The following NLRP2 variants were observed in gnomAD, a reference collection of about 807,000 sequenced individuals.
The protein encoded by NLRP2 is NLR family pyrin domain containing 2, also known as NACHT, LRR and PYD domains-containing protein 2.
Under a neutral mutation model 97.2 loss-of-function variants are expected in NLRP2, and 107 were observed. The ratio of observed to expected loss-of-function variants is 1.10; its 90% confidence interval spans 0.94 to 1.29. The LOEUF is 1.29. Ranked by LOEUF, NLRP2 falls within the 50% of genes most tolerant of loss-of-function variation. The probability of loss-of-function intolerance (pLI) is 0.00; values close to 1 mark genes in which losing one functional copy is unlikely to be tolerated. For synonymous variants in NLRP2, 663 were observed against 551.5 expected, an observed-to-expected ratio of 1.20 and a Z score of -2.83; for missense variants, 1,495 against 1,330.3, an observed-to-expected ratio of 1.12 and a Z score of -1.93.
chr19:54,985,738 G>A (rs1393953116), intron 7 of NLRP2, among the ~76,000 whole-genome samples: 2 of 151,046 alleles, frequency 1.3e-5, no homozygotes, highest in Non-Finnish European at 2.9e-5. Context: ...GCTCACGCCT[G>A]TAGTCCCAGC....
In NLRP2 at chr19:54,982,262, A is replaced by T; in HGVS notation, c.564A>T (p.Arg188Ser). 6.2e-7 allele frequency: 1 copy of T among 1,614,024 alleles called. No homozygotes were observed. The highest frequency in any genetic ancestry group is 8.5e-7 in the Non-Finnish European group (1 of 1,179,994). ...DSKEVQVMAE[R>S]YKMLIPFSNP... ...AAGAGGTCCAGGTTATGGCTGAGAG[A>T]TACAAGATGCTGATCCCATTCAGCA... Residue 188 changes from arginine (R) to serine (S), a missense_variant, in exon 6 of 13, where the codon AGA (arginine) becomes AGT (serine). By Grantham distance (110) the Arg-to-Ser change is moderately radical. Coordinates refer to ENST00000448584, the MANE Select transcript of NLRP2 (RefSeq NM_017852.5).
At chr19:54,994,155 C>T (rs2072662909) in intron 10 of NLRP2, 114 bp from the exon 11 acceptor site, 2 of 1,125,072 alleles carry the variant, frequency 1.8e-6, no homozygotes, top group Non-Finnish European at 2.7e-6. Context: ...ATTCCATTTC[C>T]ATGTCACCAC....
In NLRP2 at chr19:54,996,930, C is replaced by T. The variant is rs150862416; in HGVS notation, c.2880-387C>T. On this transcript the variant is annotated intron_variant, in intron 11 of 12. Transcript: ENST00000448584. Reference sequence around the variant, plus strand: ...AGACGTTTTGTTTGTTTTTTGAGACCGGAGTCTCACTCTGTCACCCAGGCT... The same window carrying T: ...AGACGTTTTGTTTGTTTTTTGAGACTGGAGTCTCACTCTGTCACCCAGGCT... Among the ~76,000 whole-genome samples the T allele has an allele frequency of 5.3e-5, 8 of 152,084 alleles. No homozygotes were observed. In the East Asian group the frequency reaches 9.7e-4, roughly 18 times the overall value.
In NLRP2 at chr19:54,982,545, A is replaced by G; in HGVS notation, c.847A>G (p.Ile283Val). The change falls in exon 6 of 13, where the codon ATC (isoleucine) becomes GTC (valine). Residue 283 changes from isoleucine (I) to valine (V), a missense_variant. Physicochemically the swap from Ile to Val is conservative, Grantham distance 29. Transcript: ENST00000448584. ...ACACATCCTAGCCCAAGCACGGAAAATCTTGTTCGTGATTGACGGCTTTGA... is the reference window on the plus strand; with the variant it reads ...ACACATCCTAGCCCAAGCACGGAAAGTCTTGTTCGTGATTGACGGCTTTGA... ...IPHILAQARKILFVIDGFDEL... is the reference protein window; with the variant it reads ...IPHILAQARKVLFVIDGFDEL... 1 of 1,614,144 alleles carries G rather than the reference A, an allele frequency of 6.2e-7. No individual in the cohort carries two copies. Among genetic ancestry groups the G allele is most frequent in the Non-Finnish European group, 8.5e-7 (1 of 1,180,018 alleles).
Position 54,983,153 on chromosome 19 carries a change from C to T in NLRP2, c.1455C>T (p.Asp485=), listed in dbSNP as rs377688731. The T allele has an allele frequency of 1.9e-4, 299 of 1,613,944 alleles. 2 individuals carry two copies. Among genetic ancestry groups the T allele is most frequent in the Middle Eastern group, 1.8e-3 (11 of 6,036 alleles). Residue 485 remains aspartate, a synonymous_variant, in exon 6 of 13, where the codon GAC becomes GAT. Transcript: ENST00000448584. ...AGTCCGACCTCCGTCTGTTCCTGGA[C>T]GGAGACATCCTCCGCCAGGACAGAG... ...VQESDLRLFL[D]GDILRQDRVS...
intron 12 of NLRP2, among the ~76,000 whole-genome samples, chr19:54,999,042 A>AACCTCCCTCCCGGACG (rs1337867779): frequency 2.2e-5 from 3 of 136,206 alleles, no homozygotes; most frequent in East Asian, 2.0e-4. Context: ...CCTCCCGGAC[A>AACCTCCCTCCCGGACG]GGGCGGCTGG....
chr19:54,966,893 G>T (rs1164687547), intron 1 of NLRP2, among the ~76,000 whole-genome samples: 4 of 143,820 alleles, frequency 2.8e-5, no homozygotes, highest in African/African-American at 1.0e-4. Flanking sequence ...CCAGGCTGGA[G>T]CGCTGTGGCA....
intron 1 of NLRP2, among the ~76,000 whole-genome samples, chr19:54,967,806 C>T (rs547167058): frequency 1.4e-4 from 21 of 152,150 alleles, no homozygotes; most frequent in Admixed American, 5.3e-4. Flanking sequence ...GTCCAGCTTC[C>T]GGACCTGAGT....
At chr19:54,975,383 A>G (rs1211938988) in intron 3 of NLRP2, among the ~76,000 whole-genome samples, 2 of 144,854 alleles carry the variant, frequency 1.4e-5, no homozygotes, top group Non-Finnish European at 3.0e-5. Flanking sequence ...CACCCTCCCA[A>G]ACTGCTGGGG....
At chr19:54,967,713 G>T (rs1028081815) in intron 1 of NLRP2, among the ~76,000 whole-genome samples, 1 of 151,964 alleles carries the variant, frequency 6.6e-6, no homozygotes, top group Non-Finnish European at 1.5e-5. Context: ...GCAGTGCTAA[G>T]GTTTTGTGTC....
intron 12 of NLRP2, among the ~76,000 whole-genome samples, chr19:54,999,625 G>A (rs1488007516): frequency 6.6e-6 from 1 of 150,516 alleles, no homozygotes; most frequent in African/African-American, 2.4e-5. Flanking sequence ...ACCATTACAA[G>A]GTTAACCTGA....
At position 54,971,896 on chromosome 19, in the gene NLRP2, T is replaced by G. The variant is rs914826564; in HGVS notation, c.280+1601T>G. ...CAGGCTGGAATTTAGCAGCACGATC[T>G]CGGCTCACTGCAACCTCCGCCTCCC... On this transcript the variant is annotated intron_variant, in intron 2 of 12. Transcript: ENST00000448584. Among the ~76,000 whole-genome samples, 15 of 152,050 alleles carry G rather than the reference T, an allele frequency of 9.9e-5. No homozygotes were observed. The South Asian group carries it at 3.1e-3, about 32-fold the overall frequency.
rs3826883 is a variant in NLRP2, at chr19:54,982,820, C to T, written c.1122C>T (p.Asp374=). The T allele has an allele frequency of 0.21, 336,005 of 1,611,940 alleles. 36,993 individuals carry two copies. The highest frequency in any genetic ancestry group is 0.24 in the Non-Finnish European group (280,616 of 1,178,402). ...RRAYFLRHFG[D]EDQAMRAFEL... is the part of the protein sequence containing the mutation. ...CCTATTTCCTGAGACACTTTGGAGACGAGGACCAAGCCATGCGTGCCTTTG... is the reference window on the plus strand; with the variant it reads ...CCTATTTCCTGAGACACTTTGGAGATGAGGACCAAGCCATGCGTGCCTTTG... The change falls in exon 6 of 13, where the codon GAC becomes GAT. Residue 374 remains aspartate (D), a synonymous_variant. Coordinates refer to ENST00000448584, the MANE Select transcript of NLRP2 (RefSeq NM_017852.5).
rs17853913 is a variant in NLRP2 at position 54,970,234 on chromosome 19, C to T, written c.219C>T (p.Leu73=). Residue 73 remains leucine (L), a synonymous_variant, in exon 2 of 13, where the codon CTC becomes CTT. Transcript: ENST00000448584. The part of the protein sequence containing the change: ...CDSYWVEMAS[L]QVFEKMHRMD... The stretch of plus-strand genomic sequence containing the variant: ...GCTACTGGGTGGAGATGGCGAGCCT[C>T]CAGGTCTTTGAAAAGATGCACCGAA... 1 of 1,614,106 alleles carries T rather than the reference C, an allele frequency of 6.2e-7. No homozygotes were observed. Among genetic ancestry groups the T allele is most frequent in the South Asian group, 1.1e-5 (1 of 91,088 alleles).
At chr19:54,970,770 C>CTTTTTTTTTTTTTTTTTTTTCCTTTTTT (rs34406686) in intron 2 of NLRP2, among the ~76,000 whole-genome samples, 1 of 108,470 alleles carries the variant, frequency 9.2e-6, no homozygotes, top group Non-Finnish European at 1.9e-5. Context: ...CTACCTACTT[C>CTTTTTTTTTTTTTTTTTTTTCCTTTTTT]TTTTTTTTTT....
chr19:54,974,238 C>A (rs367593850), intron 2 of NLRP2: 3 of 583,046 alleles, frequency 5.1e-6, no homozygotes, highest in South Asian at 1.9e-5. Context: ...CCTATAGTCC[C>A]AGCTACTCAG....
Position 54,977,712 on chromosome 19 carries a change from A to T in NLRP2, c.326-40A>T, listed in dbSNP as rs762658031. 6.9e-6 allele frequency: 11 copies of T among 1,605,694 alleles called. No individual in the cohort carries two copies. In the African/African-American group the frequency reaches 1.1e-4, roughly 16 times the overall value. On this transcript the variant is annotated intron_variant, in intron 3 of 12. Transcript: ENST00000448584. ...TGAGCCATCTTGGAGTCCCACTGCC[A>T]GCACAGCAACAGGCCTGTAATGCCG...
At chr19:54,980,498 G>A (rs973458113) in intron 4 of NLRP2, among the ~76,000 whole-genome samples, 2 of 152,180 alleles carry the variant, frequency 1.3e-5, no homozygotes, top group Admixed American at 6.6e-5. Context: ...CCAGCCGCGG[G>A]TAAAGAAATT....
chr19:54,996,976 C>T (rs1031465067), intron 11 of NLRP2, among the ~76,000 whole-genome samples: 3 of 152,080 alleles, frequency 2.0e-5, no homozygotes, highest in Non-Finnish European at 4.4e-5. Context: ...GGCGCGATCT[C>T]GGCTCACTGC....
Sources: gnomAD v4.1 joint callset for allele counts (sites outside exome capture counted in the v4.1 genomes callset) on GRCh38, gnomAD v4.1.1 for gene constraint, MANE v1.5 for transcripts, NCBI Gene and HGNC (gene_info 2026-07-23, HGNC 2026-07-21) for gene names.